The following SRPK2 variants were observed in gnomAD, a reference collection of about 807,000 sequenced individuals.
SRPK2 encodes the protein SRSF protein kinase 2.
A neutral mutation model predicts 90.8 loss-of-function variants in SRPK2; 21 were observed. That is an observed-to-expected ratio of 0.23 (90% CI 0.16 to 0.33). The LOEUF is 0.33. Ranked by LOEUF, SRPK2 falls within the 10% of genes least tolerant of loss-of-function variation. The pLI is 1.00. For synonymous variants in SRPK2, 288 were observed against 311.1 expected, an observed-to-expected ratio of 0.93 and a Z score of 0.78; for missense variants, 620 against 869.0, an observed-to-expected ratio of 0.71 and a Z score of 3.60.
chr7:105,190,627 A>G (rs1007028430), intron 3 of SRPK2, among the ~76,000 whole-genome samples: 1 of 152,212 alleles, frequency 6.6e-6, no homozygotes, highest in African/African-American at 2.4e-5. Flanking sequence ...TGGGGGTCCC[A>G]AAGACCATCC....
chr7:105,340,678 G>A lies in SRPK2; in HGVS notation c.71+47970C>T, dbSNP rs549917708. Among the ~76,000 whole-genome samples the A allele has an allele frequency of 7.8e-4, 119 of 152,104 alleles. 1 individual carries two copies. In the South Asian group the frequency reaches 0.017, roughly 22 times the overall value. On this transcript the variant is annotated intron_variant, in intron 2 of 15. Coordinates refer to ENST00000393651, the MANE Select transcript of SRPK2 (RefSeq NM_182692.3). ...ATGCTTATCTCAAACTCCTGGGCTC[G>A]AACGATCTTCCTGCCTCAGCTTCCC...
intron 2 of SRPK2, chr7:105,304,568 C>G (rs1810943314): frequency 6.6e-6 from 1 of 152,284 alleles, no homozygotes; most frequent in African/African-American, 2.4e-5. Flanking sequence ...TGGAACAAGG[C>G]AGGCTATGCA....
At position 105,213,643 on chromosome 7, in the gene SRPK2, T is replaced by G. The variant is rs535681265; in HGVS notation, c.72-9858A>C. 2.0e-5 allele frequency among the ~76,000 whole-genome samples: 3 copies of G among 152,254 alleles called. No homozygotes were observed. The East Asian group carries it at 5.8e-4, about 29-fold the overall frequency. On this transcript the variant is annotated intron_variant, in intron 2 of 15. Coordinates refer to ENST00000393651, the MANE Select transcript of SRPK2 (RefSeq NM_182692.3). ...ACAAAAGTAAGCCTACCTTTTACATTAGGATAAGATATACATATAAGAAGA... is the reference window on the plus strand; with the variant it reads ...ACAAAAGTAAGCCTACCTTTTACATGAGGATAAGATATACATATAAGAAGA...
chr7:105,123,731 T>C (rs1296594476), intron 15 of SRPK2, among the ~76,000 whole-genome samples: 1 of 152,144 alleles, frequency 6.6e-6, no homozygotes, highest in African/African-American at 2.4e-5. Flanking sequence ...CTGTGACTTC[T>C]GTAAAAACCC....
At chr7:105,235,460 TTGTGTGTG>T (rs57638058) in intron 2 of SRPK2, among the ~76,000 whole-genome samples, 2 of 150,962 alleles carry the variant, frequency 1.3e-5, no homozygotes, top group South Asian at 4.2e-4. Context: ...TTGTCTGGGA[TTGTGTGTG>T]TGTGTGTGTG....
chr7:105,259,657 A>C (rs931234928), intron 2 of SRPK2, among the ~76,000 whole-genome samples: 3 of 152,232 alleles, frequency 2.0e-5, no homozygotes, highest in African/African-American at 7.2e-5. Flanking sequence ...TACAGTAACC[A>C]AAACAGCATG....
chr7:105,359,554 C>T (rs537780105), intron 2 of SRPK2, among the ~76,000 whole-genome samples: 93 of 152,256 alleles, frequency 6.1e-4, no homozygotes, highest in African/African-American at 2.0e-3. Context: ...ATAATCAGAA[C>T]GCCTCTGCTT....
intron 2 of SRPK2, among the ~76,000 whole-genome samples, chr7:105,286,099 CA>C (rs1289059175): frequency 6.6e-6 from 1 of 152,232 alleles, no homozygotes; most frequent in Non-Finnish European, 1.5e-5. Context: ...TCAAAGATCA[CA>C]GAGCCACTGT....
chr7:105,297,373 G>T, intron 2 of SRPK2: 3 of 717,222 alleles, frequency 4.2e-6, no homozygotes, highest in Non-Finnish European at 5.1e-6. Context: ...GGAAACACAG[G>T]TAGAATACAG....
chr7:105,395,490 G>A lies in SRPK2; in HGVS notation n.153+3666C>T, dbSNP rs150064800. ...CATGCCTGTAATCCCAGCACTTTGG[G>A]AGGCCAAGGCGGGCGAATCACCTGA... On this transcript the variant is annotated intron_variant and non_coding_transcript_variant, in intron 1 of 3. Transcript: ENST00000462282. Among the ~76,000 whole-genome samples the A allele has an allele frequency of 8.5e-3, 1,288 of 151,728 alleles. 15 individuals carry two copies. The highest frequency in any genetic ancestry group is 0.03 in the African/African-American group (1,233 of 41,424).
At chr7:105,314,576 G>T (rs954639411) in intron 2 of SRPK2, among the ~76,000 whole-genome samples, 3 of 152,044 alleles carry the variant, frequency 2.0e-5, no homozygotes, top group Admixed American at 1.3e-4. Flanking sequence ...TAGAGACAGG[G>T]TTTCACCATG....
At chr7:105,302,442 A>C (rs1210243922) in intron 2 of SRPK2, among the ~76,000 whole-genome samples, 1 of 152,194 alleles carries the variant, frequency 6.6e-6, no homozygotes, top group African/African-American at 2.4e-5. Context: ...TCAAACTATC[A>C]TCCTGGTGGA....
chr7:105,150,040 G>A (rs1476140205), intron 7 of SRPK2, among the ~76,000 whole-genome samples: 1 of 151,778 alleles, frequency 6.6e-6, no homozygotes, highest in Non-Finnish European at 1.5e-5. Context: ...TGACGGGTGG[G>A]GTAATTGGCC....
At chr7:105,254,529 A>ATACT (rs1254865128) in intron 2 of SRPK2, among the ~76,000 whole-genome samples, 1 of 152,236 alleles carries the variant, frequency 6.6e-6, no homozygotes, top group Non-Finnish European at 1.5e-5. Context: ...TTTATAAATG[A>ATACT]TACTACAGAT....
chr7:105,163,566 G>A (rs779733769), intron 6 of SRPK2, among the ~76,000 whole-genome samples: 30 of 152,022 alleles, frequency 2.0e-4, no homozygotes, highest in Non-Finnish European at 4.0e-4. Flanking sequence ...AAGCTGAGGC[G>A]GGCAGATCAC....
intron 2 of SRPK2, among the ~76,000 whole-genome samples, chr7:105,215,846 G>A (rs1039239159): frequency 6.6e-6 from 1 of 152,082 alleles, no homozygotes; most frequent in Non-Finnish European, 1.5e-5. Context: ...CAGAAAATAG[G>A]GGTGACTACT....
At chr7:105,185,905 G>C (rs1185365329) in intron 3 of SRPK2, among the ~76,000 whole-genome samples, 2 of 152,148 alleles carry the variant, frequency 1.3e-5, no homozygotes, top group South Asian at 4.1e-4. Flanking sequence ...CAGACAAAAA[G>C]AGAATTAGAT....
intron 3 of SRPK2, among the ~76,000 whole-genome samples, chr7:105,172,898 TTTCAGA>T (rs1791336621): frequency 6.6e-6 from 1 of 152,194 alleles, no homozygotes; most frequent in South Asian, 2.1e-4. Context: ...CTAGTATATG[TTTCAGA>T]TTCAAATTCT....
In SRPK2 at chr7:105,160,582, G is replaced by T. The variant is rs1015814563; in HGVS notation, c.546C>A (p.His182Gln). The T allele has an allele frequency of 1.9e-6, 3 of 1,613,646 alleles. No homozygotes were observed. The highest frequency in any genetic ancestry group is 1.7e-6 in the Non-Finnish European group (2 of 1,179,564). The change falls in exon 7 of 16, where the codon CAC becomes CAA. Residue 182 changes from histidine to glutamine, a missense_variant. His to Gln is a conservative substitution (Grantham distance 24). Around this residue, in one of 8 missense-constraint regions of SRPK2, gnomAD observed 196 missense variants for 339.2 expected, o/e 0.58. Transcript: ENST00000393651. ...HVCMVFEVLG[H>Q]HLLKWIIKSN... The stretch of plus-strand genomic sequence containing the variant: ...ATTTGATGATCCACTTGAGGAGATG[G>T]TGGCCAAGTACTTCGAAGACCATGC...
Sources: allele counts gnomAD v4.1 joint callset (sites outside exome capture counted in the v4.1 genomes callset), GRCh38; gene constraint gnomAD v4.1.1; regional missense constraint gnomAD v4.1.1; transcripts MANE v1.5; gene names NCBI Gene and HGNC (gene_info 2026-07-23, HGNC 2026-07-21).